CACNA1S: variants seen among roughly 807,000 people sequenced by gnomAD.
CACNA1S encodes the protein calcium voltage-gated channel subunit alpha1 S.
CACNA1S carries 126 observed loss-of-function variants against 207.4 expected under a neutral mutation model. The observed-to-expected ratio is 0.61, with a 90% CI of 0.53 to 0.70. CACNA1S has a LOEUF of 0.70. CACNA1S is among the 30% of genes least tolerant of loss of function. The pLI is 0.00. For synonymous variants in CACNA1S, 960 were observed against 932.7 expected, an observed-to-expected ratio of 1.03 and a Z score of -0.53; for missense variants, 2,349 against 2,422.8, an observed-to-expected ratio of 0.97 and a Z score of 0.64.
chr1:201,065,862 G>A lies in CACNA1S; in HGVS notation c.2829C>T (p.Ala943=). The change falls in exon 22 of 44, where the codon GCC becomes GCT. Residue 943 remains alanine (A), a synonymous_variant. Transcript: ENST00000362061. ...CCTTGAAGAGCTGGACGCCGATGCA[G>A]GCAAACATGAACTGTAGGAGGGTAG... The part of the protein sequence containing the change: ...LVTTLLQFMF[A]CIGVQLFKGK... 2 of 1,614,086 alleles carry A rather than the reference G, an allele frequency of 1.2e-6. No individual in the cohort carries two copies. The highest frequency in any genetic ancestry group is 1.7e-6 in the Non-Finnish European group (2 of 1,179,908).
At position 201,050,537 on chromosome 1, in the gene CACNA1S, G is replaced by T. The variant is rs768293298; in HGVS notation, c.4114-21C>A. ...ATGACCTGCAAGAGAAGAACCAAGG[G>T]GTCCCAACACAGAAAGGCAGGTGGT... is the stretch of plus-strand genomic sequence containing the variant. On this transcript the variant is annotated intron_variant, in intron 33 of 43. Coordinates refer to ENST00000362061, the MANE Select transcript of CACNA1S (RefSeq NM_000069.3). 1.1e-5 allele frequency: 17 copies of T among 1,613,750 alleles called. No individual in the cohort carries two copies. In the East Asian group the frequency reaches 3.8e-4, roughly 36 times the overall value.
chr1:201,102,348 G>A (rs1338538341), intron 2 of CACNA1S, among the ~76,000 whole-genome samples: 1 of 152,192 alleles, frequency 6.6e-6, no homozygotes, highest in African/African-American at 2.4e-5. Flanking sequence ...CCACTGGGAG[G>A]GCAAAGGTAG....
rs776694756 is a variant in CACNA1S, at chr1:201,073,064, A to G, written c.2158-240T>C. On this transcript the variant is annotated intron_variant, in intron 15 of 43. Coordinates refer to ENST00000362061, the MANE Select transcript of CACNA1S (RefSeq NM_000069.3). ...AGCCCGCCCTAGCCTGTCTGACTCT[A>G]TCTTCACATACCCACTGCTTGGTTC... is the stretch of plus-strand genomic sequence containing the variant. Among the ~76,000 whole-genome samples, 40 of 152,184 alleles carry G rather than the reference A, an allele frequency of 2.6e-4. 1 individual carries two copies. The highest frequency in any genetic ancestry group is 1.3e-3 in the Admixed American group (20 of 15,280).
Position 201,053,204 on chromosome 1 carries a change from C to G in CACNA1S, c.3861+5G>C. 6.2e-7 allele frequency: 1 copy of G among 1,614,228 alleles called. No individual in the cohort carries two copies. The highest frequency in any genetic ancestry group is 8.5e-7 in the Non-Finnish European group (1 of 1,180,040). On this transcript the variant is annotated splice_donor_5th_base_variant and intron_variant, in intron 31 of 43. Coordinates refer to ENST00000362061, the MANE Select transcript of CACNA1S (RefSeq NM_000069.3). This position sits in a 1 kb window ranked among gnomAD's most constrained non-coding sequence, Gnocchi z 5.1. ...TGCTTTGGCCTGGGCCCGCCTGCCT[C>G]TCACCTGCATGCCGATGACAGCGTA...
In CACNA1S at chr1:201,112,250, G is replaced by C. The variant is rs779221524; in HGVS notation, c.90C>G (p.Ala30=). 65 of 1,613,888 alleles carry C rather than the reference G, an allele frequency of 4.0e-5. No homozygotes were observed. The South Asian group carries it at 5.9e-4, about 15-fold the overall frequency. Residue 30 remains alanine, a synonymous_variant, in exon 1 of 44, where the codon GCC becomes GCG. Coordinates refer to ENST00000362061, the MANE Select transcript of CACNA1S (RefSeq NM_000069.3). Reference sequence around the variant, plus strand: ...GGTTCTCCAGGGTCAGGCAGAACAAGGCCCGGGGTGGCCTTGGCAGAATCT... The same window carrying C: ...GGTTCTCCAGGGTCAGGCAGAACAACGCCCGGGGTGGCCTTGGCAGAATCT... ...VPEILPRPPR[A]LFCLTLENPL... is the part of the protein sequence containing the mutation.
At chr1:201,075,729 T>A in intron 12 of CACNA1S, 114 bp from the exon 13 acceptor site, 1 of 1,195,452 alleles carries the variant, frequency 8.4e-7, no homozygotes, top group Non-Finnish European at 1.2e-6. Flanking sequence ...AGACCTTCCC[T>A]CTTTTCATTC....
At chr1:201,104,773 A>C (rs1662811267) in intron 2 of CACNA1S, among the ~76,000 whole-genome samples, 1 of 152,200 alleles carries the variant, frequency 6.6e-6, no homozygotes, top group East Asian at 1.9e-4. Flanking sequence ...AACAATTAGG[A>C]AGTCTGATAA....
intron 2 of CACNA1S, among the ~76,000 whole-genome samples, chr1:201,100,265 T>C (rs1307849134): frequency 6.6e-6 from 1 of 152,224 alleles, no homozygotes; most frequent in Non-Finnish European, 1.5e-5. Context: ...AAGTGAGACT[T>C]AGAGGGGAAT....
rs1375510608 is a variant in CACNA1S, at chr1:201,059,246, G to C, written c.3468C>G (p.Ala1156=). The C allele has an allele frequency of 8.7e-6, 14 of 1,614,002 alleles. No individual in the cohort carries two copies. In the Admixed American group the frequency reaches 2.0e-4, roughly 23 times the overall value. The part of the protein sequence containing the change: ...MNHISDILNV[A]FTIIFTLEMI... ...TCTCCAGGGTGAAGATGATAGTGAA[G>C]GCCACATTGAGGATGTCTGAGATGT... The change falls in exon 27 of 44, where the codon GCC becomes GCG. Residue 1156 remains alanine, a synonymous_variant. Transcript: ENST00000362061.
In CACNA1S at chr1:201,097,435, C is replaced by T. The variant is rs538892151; in HGVS notation, c.259-3414G>A. Among the ~76,000 whole-genome samples the T allele has an allele frequency of 6.6e-5, 10 of 150,934 alleles. No individual in the cohort carries two copies. The South Asian group carries it at 1.7e-3, about 25-fold the overall frequency. ...TCAGGTCCCCTAGCTCTCTAGCTGC[C>T]CCAGCCTCCACCTTTGCTCATCCCG... is the stretch of plus-strand genomic sequence containing the variant. On this transcript the variant is annotated intron_variant, in intron 2 of 43. Transcript: ENST00000362061.
At position 201,084,569 on chromosome 1, in the gene CACNA1S, G is replaced by T. The variant is rs182046353; in HGVS notation, c.1232+381C>A. ...CCAGCCTCCTTCCTGAGGGGCTCCC[G>T]GTTTGTGCAGCCTCTGCTGTGTACA... On this transcript the variant is annotated intron_variant, in intron 9 of 43. Transcript: ENST00000362061. Among the ~76,000 whole-genome samples, 115 of 152,282 alleles carry T rather than the reference G, an allele frequency of 7.6e-4. 1 individual carries two copies. Among genetic ancestry groups the T allele is most frequent in the African/African-American group, 2.7e-3 (114 of 41,562 alleles).
chr1:201,053,652 G>T lies in CACNA1S; in HGVS notation c.3667-65C>A. 2.0e-6 allele frequency: 3 copies of T among 1,512,378 alleles called. No homozygotes were observed. The highest frequency in any genetic ancestry group is 1.8e-6 in the Non-Finnish European group (2 of 1,090,656). 93.7% of individuals were successfully genotyped at this position (1,512,378 alleles called of 1,614,324 possible). On this transcript the variant is annotated intron_variant, in intron 29 of 43. Coordinates refer to ENST00000362061, the MANE Select transcript of CACNA1S (RefSeq NM_000069.3). The surrounding 1 kb of genome is among the most constrained non-coding windows in gnomAD (Gnocchi z 5.1). Reference sequence around the variant, plus strand: ...ACCTCAGAGGGGTAAGGGGCAGGGCGGGGAGGGAGGTGCACTGTGTGTTTT... The same window carrying T: ...ACCTCAGAGGGGTAAGGGGCAGGGCTGGGAGGGAGGTGCACTGTGTGTTTT...
At chr1:201,040,962 G>A (rs940499264) in intron 41 of CACNA1S, among the ~76,000 whole-genome samples, 35 of 152,356 alleles carry the variant, frequency 2.3e-4, no homozygotes, top group Admixed American at 1.0e-3. Context: ...AAGGGCCAGA[G>A]TCTCTGGCCA....
rs1424572490 is a variant in CACNA1S, at chr1:201,053,583, G to C, written c.3671C>G (p.Pro1224Arg). Residue 1224 changes from proline to arginine, a missense_variant, in exon 30 of 44, where the codon CCA (proline) becomes CGA (arginine). Pro to Arg is a moderately radical substitution (Grantham distance 103). Coordinates refer to ENST00000362061, the MANE Select transcript of CACNA1S (RefSeq NM_000069.3). This position sits in a 1 kb window ranked among gnomAD's most constrained non-coding sequence, Gnocchi z 5.1. ...CLGGGCGNVD[P>R]DESARISSAF... ...GCTGGAGATGCGGGCACTCTCATCTGGGTCCTGCGGGGCAGCAGCCCCAGA... is the reference window on the plus strand; with the variant it reads ...GCTGGAGATGCGGGCACTCTCATCTCGGTCCTGCGGGGCAGCAGCCCCAGA... 3.1e-6 allele frequency: 5 copies of C among 1,613,956 alleles called. No homozygotes were observed. The South Asian group carries it at 5.5e-5, about 18-fold the overall frequency.
intron 2 of CACNA1S, among the ~76,000 whole-genome samples, chr1:201,099,146 G>A (rs1050148419): frequency 1.9e-4 from 29 of 152,344 alleles, no homozygotes; most frequent in African/African-American, 6.7e-4. Flanking sequence ...GGGCTTTGTG[G>A]GAAGATGATG....
chr1:201,068,948 G>C (rs1661352005), intron 19 of CACNA1S, among the ~76,000 whole-genome samples, 189 bp downstream of exon 19: 1 of 152,196 alleles, frequency 6.6e-6, no homozygotes, highest in Non-Finnish European at 1.5e-5. Context: ...GCCACAGGCT[G>C]GCTGGGCTTT....
chr1:201,052,652 C>A lies in CACNA1S; in HGVS notation c.3862-4G>T. ...CCAAGGCGATCTTCCCAAACATCTGCAAGTCACAAAGGGCCCTGACTGTGG... is the reference window on the plus strand; with the variant it reads ...CCAAGGCGATCTTCCCAAACATCTGAAAGTCACAAAGGGCCCTGACTGTGG... On this transcript the variant is annotated splice_polypyrimidine_tract_variant and splice_region_variant and intron_variant, in intron 31 of 43. Coordinates refer to ENST00000362061, the MANE Select transcript of CACNA1S (RefSeq NM_000069.3). 1 of 1,612,432 alleles carries A rather than the reference C, an allele frequency of 6.2e-7. No homozygotes were observed. The highest frequency in any genetic ancestry group is 8.5e-7 in the Non-Finnish European group (1 of 1,178,602).
intron 23 of CACNA1S, 97 bp from the exon 24 acceptor site, chr1:201,062,187 A>G: frequency 1.4e-6 from 2 of 1,468,862 alleles, no homozygotes; most frequent in Middle Eastern, 2.1e-4. Context: ...TGAAGGAGAA[A>G]TGAAGTTCCA....
At chr1:201,059,054 GGGGTGA>G in intron 27 of CACNA1S, 129 bp downstream of exon 27, 1 of 642,874 alleles carries the variant, frequency 1.6e-6, no homozygotes, top group Non-Finnish European at 2.8e-6. Flanking sequence ...AGTGGGCAAA[GGGGTGA>G]GCAAGTTGGG....
Sources: allele counts gnomAD v4.1 joint callset (sites outside exome capture counted in the v4.1 genomes callset), GRCh38; gene constraint gnomAD v4.1.1; non-coding constraint Gnocchi (gnomAD v3.1); transcripts MANE v1.5; gene names NCBI Gene and HGNC (gene_info 2026-07-23, HGNC 2026-07-21).